LASP1: variants seen among roughly 807,000 people sequenced by gnomAD.
The protein encoded by LASP1 is LIM and SH3 protein 1.
A neutral mutation model predicts 38.6 loss-of-function variants in LASP1; 10 were observed. The observed-to-expected ratio is 0.26, with a 90% CI of 0.16 to 0.44. The LOEUF (loss-of-function observed/expected upper bound fraction) is 0.44. LASP1 is among the 20% of genes least tolerant of loss of function. LASP1 has a pLI of 1.00. For missense variants in LASP1, 243 were observed against 375.7 expected (o/e 0.65, Z 2.92); for synonymous variants, 132 against 140.8 (o/e 0.94, Z 0.44).
At position 38,870,104 on chromosome 17, in the gene LASP1, C is replaced by T; in HGVS notation, c.-86C>T. On this transcript the variant is annotated 5_prime_UTR_variant, in exon 1 of 7. Coordinates refer to ENST00000318008, the MANE Select transcript of LASP1 (RefSeq NM_006148.4). ...GCCGTCGCTGCTGCCTGTGTAGTTG[C>T]AGCCGCGGCCGCCTCCCGCCAGCTC... is the stretch of plus-strand genomic sequence containing the variant. The T allele has an allele frequency of 1.3e-6, 2 of 1,482,338 alleles. No homozygotes were observed. Among genetic ancestry groups the T allele is most frequent in the Non-Finnish European group, 1.9e-6 (2 of 1,075,574 alleles). The allele number at this position is 1,482,338 out of a possible 1,614,324, so 91.8% of individuals were successfully genotyped here.
chr17:38,894,304 A>G (rs1914425620), intron 3 of LASP1, among the ~76,000 whole-genome samples: 1 of 151,240 alleles, frequency 6.6e-6, no homozygotes, highest in African/African-American at 2.4e-5. Context: ...TCCTTCATCA[A>G]CTCACCTTGA....
At chr17:38,876,105 G>A (rs957686867) in intron 1 of LASP1, among the ~76,000 whole-genome samples, 5 of 151,798 alleles carry the variant, frequency 3.3e-5, no homozygotes, top group African/African-American at 7.3e-5. Flanking sequence ...GTTTGCCTAA[G>A]CATCAATACT....
intron 6 of LASP1, among the ~76,000 whole-genome samples, chr17:38,917,097 C>T (rs375702675): frequency 1.3e-5 from 2 of 152,050 alleles, no homozygotes; most frequent in Admixed American, 6.6e-5. Context: ...CTGTGCAGAG[C>T]GACATAGGTT....
chr17:38,907,752 T>C (rs1343577921), intron 4 of LASP1, among the ~76,000 whole-genome samples: 1 of 152,180 alleles, frequency 6.6e-6, no homozygotes, highest in East Asian at 1.9e-4. Flanking sequence ...GATACACTTA[T>C]CCATGTGTAA....
chr17:38,895,367 CTGGAGTACAG>C (rs1914456457), intron 3 of LASP1, among the ~76,000 whole-genome samples: 2 of 151,892 alleles, frequency 1.3e-5, no homozygotes, highest in Admixed American at 1.3e-4. Context: ...GTCGCCCAGC[CTGGAGTACAG>C]TGTCACCATC....
At position 38,921,284 on chromosome 17, in the gene LASP1, T is replaced by C. The variant is rs1915291778; in HGVS notation, c.*2506T>C. ...GGAAAGAGGCATCAAAGCTAGAATG[T>C]GAATATAACTTTTGTGGACCAATAC... is the stretch of plus-strand genomic sequence containing the variant. On this transcript the variant is annotated 3_prime_UTR_variant, in exon 7 of 7. Coordinates refer to ENST00000318008, the MANE Select transcript of LASP1 (RefSeq NM_006148.4). 4.3e-6 allele frequency: 1 copy of C among 230,424 alleles called. No individual in the cohort carries two copies. The highest frequency in any genetic ancestry group is 8.6e-6 in the Non-Finnish European group (1 of 116,118). The allele number at this position is 230,424 out of a possible 1,614,324, so 14.3% of individuals were successfully genotyped here.
intron 1 of LASP1, among the ~76,000 whole-genome samples, chr17:38,872,298 C>T (rs905768404): frequency 6.6e-6 from 1 of 152,186 alleles, no homozygotes; most frequent in South Asian, 2.1e-4. Flanking sequence ...CTCCACACCA[C>T]TCCCCTTGGA....
intron 4 of LASP1, chr17:38,899,087 G>A: frequency 6.3e-6 from 2 of 319,806 alleles, no homozygotes; most frequent in East Asian, 1.6e-4. Context: ...TGGAGAGTGG[G>A]CAGGGGATCA....
chr17:38,913,694 C>T (rs1278496321), intron 4 of LASP1, among the ~76,000 whole-genome samples: 1 of 152,108 alleles, frequency 6.6e-6, no homozygotes, highest in African/African-American at 2.4e-5. Context: ...CCCGCCCCTG[C>T]CGCAGGCATA....
At chr17:38,909,740 T>TTCAC (rs1178848758) in intron 4 of LASP1, among the ~76,000 whole-genome samples, 1 of 151,794 alleles carries the variant, frequency 6.6e-6, no homozygotes, top group East Asian at 1.9e-4. Context: ...CATTCATTCA[T>TTCAC]TCATTCATTC....
intron 6 of LASP1, chr17:38,916,206 A>T (rs1389567518): frequency 6.6e-6 from 1 of 152,330 alleles, no homozygotes; most frequent in East Asian, 1.9e-4. Flanking sequence ...ACATAAGGTC[A>T]GCGGTGACAC....
chr17:38,887,304 G>C (rs1233476704), intron 2 of LASP1, among the ~76,000 whole-genome samples: 1 of 152,234 alleles, frequency 6.6e-6, no homozygotes. Context: ...TGGCTCTGAT[G>C]TTGGGAGGAG....
At chr17:38,900,893 G>T (rs1914624218) in intron 4 of LASP1, among the ~76,000 whole-genome samples, 1 of 152,182 alleles carries the variant, frequency 6.6e-6, no homozygotes, top group African/African-American at 2.4e-5. Flanking sequence ...CTCACGCCCT[G>T]GAGCTTCCCT....
chr17:38,911,517 G>A (rs1914941857), intron 4 of LASP1, among the ~76,000 whole-genome samples: 1 of 152,232 alleles, frequency 6.6e-6, no homozygotes, highest in Admixed American at 6.5e-5. Flanking sequence ...CTGCTGGCTG[G>A]TATCTCCTTC....
chr17:38,883,572 TC>T (rs1489416534), intron 2 of LASP1, among the ~76,000 whole-genome samples: 8 of 152,096 alleles, frequency 5.3e-5, no homozygotes, highest in African/African-American at 1.7e-4. Context: ...CAGGTAGCCC[TC>T]CCACCTCACT....
At chr17:38,887,211 C>T (rs1914166369) in intron 2 of LASP1, among the ~76,000 whole-genome samples, 1 of 152,156 alleles carries the variant, frequency 6.6e-6, no homozygotes, top group Admixed American at 6.5e-5. Flanking sequence ...GAGGTCTCCT[C>T]TCCCCCACCC....
intron 1 of LASP1, among the ~76,000 whole-genome samples, chr17:38,872,180 G>C (rs1473143963): frequency 6.6e-6 from 1 of 152,200 alleles, no homozygotes; most frequent in Non-Finnish European, 1.5e-5. Context: ...AGATGGGTAT[G>C]ATGATGTCAT....
intron 4 of LASP1, among the ~76,000 whole-genome samples, chr17:38,902,356 T>A (rs1030221181): frequency 1.4e-5 from 2 of 147,016 alleles, no homozygotes; most frequent in Non-Finnish European, 3.0e-5. Flanking sequence ...CCACCTCACC[T>A]GGCCTCCCAG....
At position 38,902,933 on chromosome 17, in the gene LASP1, C is replaced by T. The variant is rs1261841562; in HGVS notation, c.357+4414C>T. ...GGCTCGGCTGGTCTCGAACTCCTGA[C>T]CTCAGGTGATCCACCTGCCTTGGCC... On this transcript the variant is annotated intron_variant, in intron 4 of 6. Coordinates refer to ENST00000318008, the MANE Select transcript of LASP1 (RefSeq NM_006148.4). 2.6e-5 allele frequency among the ~76,000 whole-genome samples: 4 copies of T among 152,074 alleles called. 1 individual carries two copies. The South Asian group carries it at 6.2e-4, about 24-fold the overall frequency.
Sources: gnomAD v4.1 joint callset for allele counts (sites outside exome capture counted in the v4.1 genomes callset) on GRCh38, gnomAD v4.1.1 for gene constraint, MANE v1.5 for transcripts, NCBI Gene and HGNC (gene_info 2026-07-23, HGNC 2026-07-21) for gene names.